ARID5B: variants seen among roughly 807,000 people sequenced by gnomAD.
The protein encoded by ARID5B is AT-rich interactive domain-containing protein 5B.
ARID5B carries 13 observed loss-of-function variants against 97.2 expected under a neutral mutation model. The ratio of observed to expected loss-of-function variants is 0.13; its 90% CI spans 0.09 to 0.21. The LOEUF (loss-of-function observed/expected upper bound fraction) is 0.21, where lower values mean the gene tolerates loss of function less well. ARID5B is among the 10% of genes least tolerant of loss of function. The pLI, the probability that ARID5B is intolerant of heterozygous loss-of-function variation, is 1.00. For synonymous variants in ARID5B, 556 were observed against 570.3 expected (o/e 0.97, Z 0.36); for missense variants, 1,210 against 1,465.3 (o/e 0.83, Z 2.84).
At chr10:61,929,631 A>C (rs1441692022) in intron 2 of ARID5B, among the ~76,000 whole-genome samples, 2 of 152,118 alleles carry the variant, frequency 1.3e-5, no homozygotes, top group Non-Finnish European at 2.9e-5. Flanking sequence ...TTGCTCTGTG[A>C]GGTTGTCTAG....
chr10:62,016,673 AG>A (rs1839288582), intron 4 of ARID5B, among the ~76,000 whole-genome samples: 7 of 152,224 alleles, frequency 4.6e-5, no homozygotes, highest in Admixed American at 4.6e-4. Flanking sequence ...CCAGTGAATT[AG>A]AAAAGCACTG....
intron 5 of ARID5B, among the ~76,000 whole-genome samples, chr10:62,053,706 A>G (rs1839820809): frequency 1.3e-5 from 2 of 152,198 alleles, no homozygotes; most frequent in African/African-American, 2.4e-5. Flanking sequence ...GCATTTTCTG[A>G]AGGGCAGAAG....
At chr10:62,025,792 C>A (rs1359921061) in intron 4 of ARID5B, among the ~76,000 whole-genome samples, 2 of 144,790 alleles carry the variant, frequency 1.4e-5, no homozygotes. Context: ...CTGACCAAGG[C>A]CAGAGGTGGA....
intron 4 of ARID5B, among the ~76,000 whole-genome samples, chr10:62,040,568 G>A (rs915023254): frequency 2.6e-5 from 4 of 151,896 alleles, no homozygotes; most frequent in East Asian, 1.9e-4. Context: ...AACCAGCATC[G>A]CCCAAGAGAA....
chr10:61,985,798 G>T (rs971735941), intron 3 of ARID5B, among the ~76,000 whole-genome samples: 5 of 151,810 alleles, frequency 3.3e-5, no homozygotes, highest in Non-Finnish European at 7.4e-5. Context: ...GTAATAGAGA[G>T]AAATAATAAT....
chr10:61,994,895 T>C (rs1216506871), intron 3 of ARID5B, among the ~76,000 whole-genome samples: 1 of 152,214 alleles, frequency 6.6e-6, no homozygotes, highest in Admixed American at 6.5e-5. Flanking sequence ...TTAGTAATGT[T>C]GGGTCTCTTA....
chr10:61,924,204 C>CCCGA, intron 2 of ARID5B, among the ~76,000 whole-genome samples: 1 of 152,320 alleles, frequency 6.6e-6, no homozygotes, highest in Admixed American at 6.5e-5. Context: ...GTACAACCTC[C>CCCGA]CCGAGGAGGC....
At chr10:61,999,112 G>T (rs897131013) in intron 3 of ARID5B, among the ~76,000 whole-genome samples, 1 of 152,156 alleles carries the variant, frequency 6.6e-6, no homozygotes, top group Admixed American at 6.5e-5. Context: ...AAGGCCACTG[G>T]CCTCCAAGAG....
chr10:62,034,383 C>T (rs1452409568), intron 4 of ARID5B, among the ~76,000 whole-genome samples: 2 of 152,188 alleles, frequency 1.3e-5, no homozygotes, highest in African/African-American at 4.8e-5. Flanking sequence ...TAGCACTTGC[C>T]ATCTCAGGCT....
At chr10:62,037,157 G>A (rs967741442) in intron 4 of ARID5B, among the ~76,000 whole-genome samples, 5 of 152,256 alleles carry the variant, frequency 3.3e-5, no homozygotes, top group East Asian at 1.9e-4. Flanking sequence ...TAGAATATAC[G>A]GCAATATGGA....
chr10:62,018,555 T>C (rs1223173120), intron 4 of ARID5B, among the ~76,000 whole-genome samples: 2 of 151,448 alleles, frequency 1.3e-5, no homozygotes, highest in African/African-American at 4.9e-5. Context: ...CCGGTCTCCA[T>C]GTTGGCATGA....
intron 2 of ARID5B, among the ~76,000 whole-genome samples, chr10:61,911,329 C>T (rs963962039): frequency 6.6e-6 from 1 of 152,130 alleles, no homozygotes; most frequent in Non-Finnish European, 1.5e-5. Flanking sequence ...TTTTGTGCTG[C>T]TTGTCCCTTA....
intron 2 of ARID5B, among the ~76,000 whole-genome samples, chr10:61,906,969 A>G (rs540883973): frequency 3.9e-5 from 6 of 152,362 alleles, no homozygotes; most frequent in South Asian, 2.1e-4. Flanking sequence ...AGATACTTCA[A>G]TAATGGTTGA....
At chr10:61,945,123 G>T (rs1421911733) in intron 3 of ARID5B, among the ~76,000 whole-genome samples, 1 of 152,008 alleles carries the variant, frequency 6.6e-6, no homozygotes, top group Non-Finnish European at 1.5e-5. Context: ...ATGTAGATCT[G>T]TCACCACTGG....
Position 61,922,825 on chromosome 10 carries a change from T to C in ARID5B, c.277-17358T>C, listed in dbSNP as rs182824813. Among the ~76,000 whole-genome samples the C allele has an allele frequency of 1.7e-3, 259 of 152,374 alleles. 1 individual carries two copies. Among genetic ancestry groups the C allele is most frequent in the African/African-American group, 6.0e-3 (248 of 41,578 alleles). On this transcript the variant is annotated intron_variant, in intron 2 of 9. Coordinates refer to ENST00000279873, the MANE Select transcript of ARID5B (RefSeq NM_032199.3). The stretch of plus-strand genomic sequence containing the variant: ...AGCTGGTCTGCCATCTTTTAAATTC[T>C]GTGCAAGTTAACTGTTTTGTGAGAA...
intron 4 of ARID5B, among the ~76,000 whole-genome samples, chr10:62,024,385 C>T (rs1047200187): frequency 3.3e-5 from 5 of 152,232 alleles, no homozygotes; most frequent in Non-Finnish European, 7.3e-5. Context: ...ATGCTCAATT[C>T]TTGAGTTTAA....
chr10:61,943,743 A>T (rs1203221650), intron 3 of ARID5B, among the ~76,000 whole-genome samples: 4 of 148,974 alleles, frequency 2.7e-5, no homozygotes, highest in Admixed American at 6.7e-5. Context: ...CTGAATAGTA[A>T]AAAAAAAAAA....
chr10:61,909,395 G>T (rs1285640470), intron 2 of ARID5B, among the ~76,000 whole-genome samples: 1 of 139,540 alleles, frequency 7.2e-6, no homozygotes, highest in African/African-American at 2.7e-5. Flanking sequence ...GCGCGATCTC[G>T]GCTCACTGCC....
chr10:62,057,018 C>T, intron 5 of ARID5B, 99 bp from the exon 6 acceptor site: 1 of 1,094,042 alleles, frequency 9.1e-7, no homozygotes, highest in Non-Finnish European at 1.3e-6. Flanking sequence ...TCACCCTTAG[C>T]ACTCACTGAA....
Sources: allele counts gnomAD v4.1 joint callset (sites outside exome capture counted in the v4.1 genomes callset), GRCh38; gene constraint gnomAD v4.1.1; transcripts MANE v1.5; gene names NCBI Gene and HGNC (gene_info 2026-07-23, HGNC 2026-07-21).